The following WDR93 variants were observed in gnomAD, a reference collection of about 807,000 sequenced individuals.
The protein encoded by WDR93 is WD repeat-containing protein 93.
A neutral mutation model predicts 82.9 loss-of-function variants in WDR93; 73 were observed. The observed-to-expected ratio is 0.88, with a 90% confidence interval of 0.73 to 1.07. The LOEUF is 1.07. WDR93 is among the 50% of genes least tolerant of loss of function. The pLI is 0.00. For missense variants in WDR93, 738 were observed against 826.0 expected, an observed-to-expected ratio of 0.89 and a Z score of 1.31; for synonymous variants, 283 against 300.1, an observed-to-expected ratio of 0.94 and a Z score of 0.59.
chr15:89,713,072 G>A (rs913078959), intron 5 of WDR93, among the ~76,000 whole-genome samples: 8 of 148,634 alleles, frequency 5.4e-5, no homozygotes, highest in South Asian at 2.1e-4. Flanking sequence ...GCAGTGAGCC[G>A]AGATCGTGCC....
intron 1 of WDR93, among the ~76,000 whole-genome samples, chr15:89,693,598 C>T (rs1336469512): frequency 6.6e-6 from 1 of 152,166 alleles, no homozygotes; most frequent in Non-Finnish European, 1.5e-5. Flanking sequence ...TACCCAGTTT[C>T]TCAGAAACAA....
chr15:89,715,225 C>T (rs1190636780), intron 6 of WDR93, 130 bp downstream of exon 6: 3 of 687,694 alleles, frequency 4.4e-6, no homozygotes, highest in Non-Finnish European at 7.1e-6. Context: ...AATATTGGCC[C>T]CTGTCTCCCA....
Position 89,733,182 on chromosome 15 carries a change from G to A in WDR93, c.1507G>A (p.Gly503Arg), listed in dbSNP as rs1966894644. 12 of 1,613,912 alleles carry A rather than the reference G, an allele frequency of 7.4e-6. No homozygotes were observed. The highest frequency in any genetic ancestry group is 2.2e-5 in the East Asian group (1 of 44,888). The change falls in exon 13 of 17, where the codon GGG becomes AGG. Residue 503 changes from glycine to arginine, a missense_variant. By Grantham distance (125) the Gly-to-Arg change is moderately radical. Coordinates refer to ENST00000268130, the MANE Select transcript of WDR93 (RefSeq NM_020212.2). Reference sequence around the variant, plus strand: ...CTCCCTCCATCTGGTGGAGGCTAGCGGGACCCAAGGACCCACCATCAGTGT... The same window carrying A: ...CTCCCTCCATCTGGTGGAGGCTAGCAGGACCCAAGGACCCACCATCAGTGT... Reference protein sequence around the residue: ...DASLHLVEASGTQGPTISVLV... With the variant: ...DASLHLVEASRTQGPTISVLV...
At chr15:89,720,843 C>T (rs1351861546) in intron 7 of WDR93, among the ~76,000 whole-genome samples, 1 of 152,106 alleles carries the variant, frequency 6.6e-6, no homozygotes, top group Non-Finnish European at 1.5e-5. Flanking sequence ...AGTTTTTCTC[C>T]TTTCTGTTTT....
intron 9 of WDR93, among the ~76,000 whole-genome samples, chr15:89,728,422 A>G (rs1290408981): frequency 2.0e-5 from 3 of 152,226 alleles, no homozygotes; most frequent in East Asian, 3.8e-4. Flanking sequence ...TTCTTACTTC[A>G]GGACACAAAG....
At chr15:89,732,825 A>AT (rs1455119929) in intron 12 of WDR93, among the ~76,000 whole-genome samples, 181 bp from the exon 13 acceptor site, 1 of 152,062 alleles carries the variant, frequency 6.6e-6, no homozygotes, top group East Asian at 1.9e-4. Context: ...ATTCCCCTGC[A>AT]GGGGGCTTTT....
Position 89,717,009 on chromosome 15 carries a change from A to T in WDR93, c.795+60A>T, listed in dbSNP as rs551511233. 284 of 1,026,146 alleles carry T rather than the reference A, an allele frequency of 2.8e-4. 4 individuals carry two copies. The South Asian group carries it at 5.1e-3, about 19-fold the overall frequency. The allele number at this position is 1,026,146 out of a possible 1,614,324, so 63.6% of individuals were successfully genotyped here. A position where few individuals can be genotyped will look rare whatever the true frequency, so the allele number is the denominator to read the frequency against. The stretch of plus-strand genomic sequence containing the variant: ...TAAGTTTGTATTTTAGAGATTTTTT[A>T]AAAATTATTATTTTTCTTTTCTTTT... On this transcript the variant is annotated intron_variant, in intron 7 of 16. Coordinates refer to ENST00000268130, the MANE Select transcript of WDR93 (RefSeq NM_020212.2).
In WDR93 at chr15:89,738,363, A is replaced by C. The variant is rs953410969; in HGVS notation, c.1961+127A>C. ...TTCCCCTGGCTGGGCGTGGTGGCTCACGCCTGTAATCCCAGCACTTTGGGA... is the reference window on the plus strand; with the variant it reads ...TTCCCCTGGCTGGGCGTGGTGGCTCCCGCCTGTAATCCCAGCACTTTGGGA... On this transcript the variant is annotated intron_variant, in intron 16 of 16. Coordinates refer to ENST00000268130, the MANE Select transcript of WDR93 (RefSeq NM_020212.2). The C allele has an allele frequency of 3.4e-6, 4 of 1,174,668 alleles. No individual in the cohort carries two copies. In the African/African-American group the frequency reaches 6.2e-5, roughly 18 times the overall value. 72.8% of individuals were successfully genotyped at this position (1,174,668 alleles called of 1,614,324 possible). A position where few individuals can be genotyped will look rare whatever the true frequency, so the allele number is the denominator to read the frequency against.
At chr15:89,711,630 T>C (rs919972768) in intron 4 of WDR93, among the ~76,000 whole-genome samples, 8 of 152,006 alleles carry the variant, frequency 5.3e-5, no homozygotes, top group Non-Finnish European at 1.0e-4. Flanking sequence ...GTCTCTACCA[T>C]AGTCTAAATA....
In WDR93 at chr15:89,739,517, A is replaced by C. The variant is rs1967487051; in HGVS notation, c.1961+1281A>C. 2.0e-5 allele frequency among the ~76,000 whole-genome samples: 3 copies of C among 152,340 alleles called. No homozygotes were observed. The South Asian group carries it at 6.2e-4, about 32-fold the overall frequency. ...TTGCCCTCCTTTCTGCTATCAAAGC[A>C]TAAGGAACAGTACTCAGGCCATTCT... On this transcript the variant is annotated intron_variant, in intron 16 of 16. Coordinates refer to ENST00000268130, the MANE Select transcript of WDR93 (RefSeq NM_020212.2).
At chr15:89,723,579 TAAGTG>T (rs1236743497) in intron 8 of WDR93, among the ~76,000 whole-genome samples, 1 of 152,102 alleles carries the variant, frequency 6.6e-6, no homozygotes, top group African/African-American at 2.4e-5. Context: ...AAAAAATAGA[TAAGTG>T]AATAATAGAA....
Position 89,732,980 on chromosome 15 carries a change from C to A in WDR93, c.1331-26C>A, listed in dbSNP as rs765676544. 4 of 1,610,608 alleles carry A rather than the reference C, an allele frequency of 2.5e-6. No individual in the cohort carries two copies. In the South Asian group the frequency reaches 4.4e-5, roughly 18 times the overall value. On this transcript the variant is annotated intron_variant, in intron 12 of 16. Transcript: ENST00000268130. ...CCTCCTCCCCTACCCCGTTTTCTGACCGGCTTGTGTGATTACTTTCTCTAG... is the reference window on the plus strand; with the variant it reads ...CCTCCTCCCCTACCCCGTTTTCTGAACGGCTTGTGTGATTACTTTCTCTAG...
In WDR93 at chr15:89,710,030, C is replaced by G. The variant is rs558211217; in HGVS notation, c.562-1996C>G. Among the ~76,000 whole-genome samples, 28 of 152,144 alleles carry G rather than the reference C, an allele frequency of 1.8e-4. No homozygotes were observed. In the South Asian group the frequency reaches 3.7e-3, roughly 20 times the overall value. On this transcript the variant is annotated intron_variant, in intron 4 of 16. Coordinates refer to ENST00000268130, the MANE Select transcript of WDR93 (RefSeq NM_020212.2). Reference sequence around the variant, plus strand: ...AAAAAATTAGCCGGGTGTGCTGGCACGCGCCTGTAGTCCCAGCTACTTGGG... The same window carrying G: ...AAAAAATTAGCCGGGTGTGCTGGCAGGCGCCTGTAGTCCCAGCTACTTGGG...
intron 9 of WDR93, 152 bp from the exon 10 acceptor site, chr15:89,728,871 C>A: frequency 1.4e-6 from 1 of 724,880 alleles, no homozygotes; most frequent in Non-Finnish European, 2.4e-6. Context: ...CCACCAGGAC[C>A]AGCACCTAGA....
chr15:89,737,014 A>C (rs950885726), intron 14 of WDR93, among the ~76,000 whole-genome samples: 2 of 152,100 alleles, frequency 1.3e-5, no homozygotes, highest in Non-Finnish European at 2.9e-5. Flanking sequence ...GATGGTCTCG[A>C]TCTCCTGACC....
rs781108968 is a variant in WDR93 at position 89,729,021 on chromosome 15, A to T, written c.1053-2A>T. 1.2e-6 allele frequency: 2 copies of T among 1,614,032 alleles called. No homozygotes were observed. Among genetic ancestry groups the T allele is most frequent in the Non-Finnish European group, 1.7e-6 (2 of 1,179,904 alleles). Reference sequence around the variant, plus strand: ...TCTGACTCGTGTGTCTTTCTTTCCCAGTACGGCCACCTTCTATTTCCTTCT... The same window carrying T: ...TCTGACTCGTGTGTCTTTCTTTCCCTGTACGGCCACCTTCTATTTCCTTCT... On this transcript the variant is annotated splice_acceptor_variant, in intron 9 of 16. Coordinates refer to ENST00000268130, the MANE Select transcript of WDR93 (RefSeq NM_020212.2). LOFTEE classifies it high-confidence loss of function.
chr15:89,727,926 C>T (rs1966802440), intron 9 of WDR93, among the ~76,000 whole-genome samples: 1 of 151,978 alleles, frequency 6.6e-6, no homozygotes, highest in Non-Finnish European at 1.5e-5. Flanking sequence ...ACTAAAAATA[C>T]AACAATTAGC....
chr15:89,713,577 A>T (rs1490088499), intron 5 of WDR93, among the ~76,000 whole-genome samples: 1 of 151,688 alleles, frequency 6.6e-6, no homozygotes, highest in East Asian at 1.9e-4. Flanking sequence ...GGTTCAAGCG[A>T]TTCTCCCACC....
chr15:89,696,518 A>G (rs1490710844), intron 1 of WDR93, among the ~76,000 whole-genome samples: 1 of 151,948 alleles, frequency 6.6e-6, no homozygotes, highest in East Asian at 1.9e-4. Context: ...TGTTTGAGAC[A>G]GGGCCTCACT....
Sources: gnomAD v4.1 joint callset for allele counts (sites outside exome capture counted in the v4.1 genomes callset) on GRCh38, gnomAD v4.1.1 for gene constraint, MANE v1.5 for transcripts, NCBI Gene and HGNC (gene_info 2026-07-23, HGNC 2026-07-21) for gene names.